The following PPM1D variants were observed in gnomAD, a reference collection of about 807,000 sequenced individuals.
PPM1D encodes the protein protein phosphatase, Mg2+/Mn2+ dependent 1D, also known as protein phosphatase 1D.
PPM1D carries 52 observed loss-of-function variants against 58.3 expected under a neutral mutation model. The observed-to-expected ratio is 0.89, with a 90% CI of 0.71 to 1.12. PPM1D has a LOEUF of 1.12. Ranked by LOEUF, PPM1D falls within the 50% of genes most tolerant of loss-of-function variation. The pLI, the probability that PPM1D is intolerant of heterozygous loss-of-function variation, is 0.00. For synonymous variants in PPM1D, 278 were observed against 285.1 expected, an observed-to-expected ratio of 0.98 and a Z score of 0.25; for missense variants, 564 against 777.2, an observed-to-expected ratio of 0.73 and a Z score of 3.26.
Position 60,643,887 on chromosome 17 carries a change from T to TTC in PPM1D, c.827-4004_827-4003insCT, listed in dbSNP as rs1555647469. Among the ~76,000 whole-genome samples, 16 of 138,490 alleles carry TTC rather than the reference T, an allele frequency of 1.2e-4. No homozygotes were observed. In the East Asian group the frequency reaches 1.9e-3, roughly 16 times the overall value. 90.9% of individuals were successfully genotyped at this position (138,490 alleles called of 152,430 possible). ...GCAATAGAACTCTTTTCTTTTCTTT[T>TTC]TTTTTTTTTTTTTTTTTGAGATGGA... On this transcript the variant is annotated intron_variant, in intron 3 of 5. Transcript: ENST00000305921.
chr17:60,634,800 A>G (rs1261180984), intron 3 of PPM1D, among the ~76,000 whole-genome samples: 3 of 152,156 alleles, frequency 2.0e-5, no homozygotes, highest in African/African-American at 7.2e-5. Context: ...TTATTTTATG[A>G]GACAGGGTCT....
At chr17:60,648,488 C>T (rs1007559527) in intron 4 of PPM1D, among the ~76,000 whole-genome samples, 3 of 151,382 alleles carry the variant, frequency 2.0e-5, no homozygotes, top group Non-Finnish European at 2.9e-5. Context: ...GAGTTCACGC[C>T]GTTCTCCTGC....
chr17:60,638,556 A>T (rs1026507413), intron 3 of PPM1D, among the ~76,000 whole-genome samples: 1 of 151,902 alleles, frequency 6.6e-6, no homozygotes, highest in African/African-American at 2.4e-5. Context: ...TTTAGTAGAG[A>T]TGGGATCTCA....
At chr17:60,616,550 C>T (rs946207957) in intron 1 of PPM1D, among the ~76,000 whole-genome samples, 3 of 152,082 alleles carry the variant, frequency 2.0e-5, no homozygotes, top group Non-Finnish European at 2.9e-5. Flanking sequence ...GCAGAGGTTG[C>T]AGTGAGCCAA....
intron 4 of PPM1D, among the ~76,000 whole-genome samples, chr17:60,654,693 C>G (rs1482948242): frequency 2.0e-5 from 3 of 151,340 alleles, no homozygotes; most frequent in Admixed American, 6.6e-5. Flanking sequence ...GAAACCCCGT[C>G]TCTACTAAAA....
intron 1 of PPM1D, among the ~76,000 whole-genome samples, chr17:60,609,428 T>C (rs980458117): frequency 7.2e-5 from 11 of 152,244 alleles, no homozygotes; most frequent in Non-Finnish European, 1.5e-4. Context: ...GACATCTTAC[T>C]ATATGTATGC....
At chr17:60,641,216 A>G (rs2031127806) in intron 3 of PPM1D, among the ~76,000 whole-genome samples, 1 of 152,204 alleles carries the variant, frequency 6.6e-6, no homozygotes, top group Non-Finnish European at 1.5e-5. Flanking sequence ...TCCCACCAAC[A>G]GTGTATAAGC....
At position 60,664,234 on chromosome 17, in the gene PPM1D, A is replaced by G. The variant is rs2031581579; in HGVS notation, c.*682A>G. ...TTACTAAATCTTCAGCATAGAAGGA[A>G]GTGTGTTTGCCTAAAACAATCTAAA... is the stretch of plus-strand genomic sequence containing the variant. On this transcript the variant is annotated 3_prime_UTR_variant, in exon 6 of 6. Transcript: ENST00000305921. 1 of 152,646 alleles carries G rather than the reference A, an allele frequency of 6.6e-6. No individual in the cohort carries two copies. The highest frequency in any genetic ancestry group is 1.5e-5 in the Non-Finnish European group (1 of 68,028). 9.5% of individuals were successfully genotyped at this position (152,646 alleles called of 1,614,324 possible).
chr17:60,611,961 C>G (rs553525442), intron 1 of PPM1D, among the ~76,000 whole-genome samples: 5 of 151,428 alleles, frequency 3.3e-5, no homozygotes, highest in African/African-American at 1.2e-4. Context: ...TGTTTTTGTC[C>G]TTTACCTATG....
chr17:60,649,213 C>T (rs1352600145), intron 4 of PPM1D, among the ~76,000 whole-genome samples: 1 of 152,074 alleles, frequency 6.6e-6, no homozygotes, highest in Non-Finnish European at 1.5e-5. Context: ...GTGCCATGCC[C>T]AGCTCCTAAT....
chr17:60,645,512 G>GTATATATATGTA (rs1336283953), intron 3 of PPM1D, among the ~76,000 whole-genome samples: 14 of 131,140 alleles, frequency 1.1e-4, no homozygotes, highest in Non-Finnish European at 2.2e-4. Context: ...ATATATATGT[G>GTATATATATGTA]TATATATATG....
intron 3 of PPM1D, among the ~76,000 whole-genome samples, chr17:60,639,375 G>A (rs2031089505): frequency 6.6e-6 from 1 of 151,878 alleles, no homozygotes; most frequent in Non-Finnish European, 1.5e-5. Context: ...GCCACCTAAA[G>A]TGCTGGGATT....
intron 1 of PPM1D, among the ~76,000 whole-genome samples, chr17:60,602,114 T>C (rs955024531): frequency 2.0e-5 from 3 of 152,232 alleles, no homozygotes; most frequent in Admixed American, 1.3e-4. Context: ...GTTGATTGAC[T>C]CAAAAACCAG....
intron 1 of PPM1D, among the ~76,000 whole-genome samples, chr17:60,618,887 C>T (rs768960544): frequency 2.0e-4 from 31 of 152,092 alleles, no homozygotes; most frequent in Non-Finnish European, 4.1e-4. Flanking sequence ...CACATAGTTA[C>T]CTTTTTTTGG....
chr17:60,600,263 A>G lies in PPM1D; in HGVS notation c.-152A>G, dbSNP rs1370121133. 3.6e-6 allele frequency: 5 copies of G among 1,395,048 alleles called. No homozygotes were observed. Among genetic ancestry groups the G allele is most frequent in the Non-Finnish European group, 3.8e-6 (4 of 1,063,176 alleles). The allele number at this position is 1,395,048 out of a possible 1,614,324, so 86.4% of individuals were successfully genotyped here. ...GCCCAGCTCTCGCGGACAAGTCCAG[A>G]CATCGCGCGCCCCCCCTTCTCCGGG... On this transcript the variant is annotated 5_prime_UTR_variant, in exon 1 of 6. Coordinates refer to ENST00000305921, the MANE Select transcript of PPM1D (RefSeq NM_003620.4).
chr17:60,656,327 C>A (rs1316542184), intron 4 of PPM1D, among the ~76,000 whole-genome samples: 1 of 151,472 alleles, frequency 6.6e-6, no homozygotes, highest in Non-Finnish European at 1.5e-5. Context: ...GTGGCGGGCG[C>A]CTGTAGTCCT....
At chr17:60,643,055 G>GA (rs61233619) in intron 3 of PPM1D, among the ~76,000 whole-genome samples, 2,819 of 73,636 alleles carry the variant, frequency 0.038, 95 homozygotes, top group African/African-American at 0.098. Context: ...CGTCTCAAAA[G>GA]AAAAAAAAAA....
intron 3 of PPM1D, among the ~76,000 whole-genome samples, chr17:60,639,138 T>C (rs2031084566): frequency 6.6e-6 from 1 of 152,146 alleles, no homozygotes; most frequent in East Asian, 1.9e-4. Flanking sequence ...TTTTTGAGAC[T>C]GAGTTTTTTT....
At chr17:60,661,831 G>A (rs2031531300) in intron 5 of PPM1D, among the ~76,000 whole-genome samples, 2 of 152,080 alleles carry the variant, frequency 1.3e-5, no homozygotes, top group African/African-American at 4.8e-5. Flanking sequence ...GTGCTTTAAT[G>A]TTGTAATGCT....
Sources: gnomAD v4.1 joint callset for allele counts (sites outside exome capture counted in the v4.1 genomes callset) on GRCh38, gnomAD v4.1.1 for gene constraint, MANE v1.5 for transcripts, NCBI Gene and HGNC (gene_info 2026-07-23, HGNC 2026-07-21) for gene names.